Variants in NPR3 observed in about 807,000 individuals in gnomAD.
NPR3 encodes atrial natriuretic peptide receptor 3.
A neutral mutation model predicts 54.5 loss-of-function variants in NPR3; 34 were observed. The observed-to-expected ratio is 0.62, with a 90% confidence interval of 0.47 to 0.83. NPR3 has a LOEUF of 0.83. NPR3 is among the 40% of genes least tolerant of loss of function. The pLI is 0.00. For synonymous variants in NPR3, 289 were observed against 297.1 expected, an observed-to-expected ratio of 0.97 and a Z score of 0.28; for missense variants, 674 against 720.8, an observed-to-expected ratio of 0.94 and a Z score of 0.74.
intron 1 of NPR3, among the ~76,000 whole-genome samples, chr5:32,690,940 G>A (rs140539627): frequency 6.6e-6 from 1 of 152,336 alleles, no homozygotes; most frequent in East Asian, 1.9e-4. Flanking sequence ...ACATGTGAGT[G>A]TGGCTCTCTT....
At chr5:32,778,629 AG>A (rs1467634168) in intron 4 of NPR3, among the ~76,000 whole-genome samples, 2 of 152,220 alleles carry the variant, frequency 1.3e-5, no homozygotes, top group Non-Finnish European at 2.9e-5. Flanking sequence ...ACAGCCAAAC[AG>A]AAATAGGGTG....
At chr5:32,717,038 GT>G (rs1379696618) in intron 1 of NPR3, among the ~76,000 whole-genome samples, 1 of 124,306 alleles carries the variant, frequency 8.0e-6, no homozygotes, top group Non-Finnish European at 1.6e-5. Context: ...GGTGTGTGAT[GT>G]TTCCCGCCCT....
intron 3 of NPR3, among the ~76,000 whole-genome samples, chr5:32,766,675 C>G (rs1473837602): frequency 6.6e-6 from 1 of 152,076 alleles, no homozygotes; most frequent in African/African-American, 2.4e-5. Flanking sequence ...AATTATCACT[C>G]CAGAACAAAG....
chr5:32,718,528 G>A (rs1561081105), intron 1 of NPR3, among the ~76,000 whole-genome samples: 1 of 151,998 alleles, frequency 6.6e-6, no homozygotes, highest in South Asian at 2.1e-4. Flanking sequence ...TATTTTCATT[G>A]AGCAGTGGTT....
intron 3 of NPR3, among the ~76,000 whole-genome samples, chr5:32,751,419 A>G (rs936201144): frequency 6.6e-6 from 1 of 152,194 alleles, no homozygotes; most frequent in Non-Finnish European, 1.5e-5. Flanking sequence ...GCATCCTTCT[A>G]GTGCCAAAGG....
chr5:32,735,465 A>T (rs1373354123), intron 2 of NPR3, among the ~76,000 whole-genome samples: 15 of 142,156 alleles, frequency 1.1e-4, no homozygotes, highest in Non-Finnish European at 1.5e-5. Context: ...AATTTACTAT[A>T]TTCAGAAAAA....
rs1437792621 is a variant in NPR3, at chr5:32,699,336, CA to C, written c.100+10151del. ...TAAATTCTGGGATACAAGTGCAGAA[CA>C]TGTAGGTTTGTTACATAGGTATACG... On this transcript the variant is annotated intron_variant, in intron 1 of 5. Transcript: ENST00000509104. Among the ~76,000 whole-genome samples, 4 of 152,056 alleles carry C rather than the reference CA, an allele frequency of 2.6e-5. No homozygotes were observed. The East Asian group carries it at 7.7e-4, about 29-fold the overall frequency.
At chr5:32,761,440 C>T (rs1396378182) in intron 3 of NPR3, among the ~76,000 whole-genome samples, 2 of 152,068 alleles carry the variant, frequency 1.3e-5, no homozygotes, top group Non-Finnish European at 2.9e-5. Flanking sequence ...TGCTATTGGA[C>T]ACAGAATAAA....
chr5:32,730,803 A>G (rs1167926980), intron 2 of NPR3, among the ~76,000 whole-genome samples: 1 of 152,198 alleles, frequency 6.6e-6, no homozygotes, highest in Non-Finnish European at 1.5e-5. Context: ...TGATGAAACC[A>G]CTAATGAAAG....
At chr5:32,759,060 C>A (rs1489993374) in intron 3 of NPR3, among the ~76,000 whole-genome samples, 1 of 152,154 alleles carries the variant, frequency 6.6e-6, no homozygotes, top group Admixed American at 6.5e-5. Flanking sequence ...TGGTGTGGTG[C>A]TGAGAAGAAT....
intron 3 of NPR3, among the ~76,000 whole-genome samples, chr5:32,749,196 AT>A (rs35237338): frequency 0.41 from 62,393 of 151,776 alleles, 14,415 homozygotes; most frequent in African/African-American, 0.64. Flanking sequence ...AATAAGTAGA[AT>A]TTTTTTCTTT....
At chr5:32,721,952 A>G (rs1738886753) in intron 1 of NPR3, among the ~76,000 whole-genome samples, 1 of 152,112 alleles carries the variant, frequency 6.6e-6, no homozygotes, top group South Asian at 2.1e-4. Context: ...CTTCTTCTAA[A>G]CTGCCAGTCC....
At chr5:32,698,659 G>C (rs1344617907) in intron 1 of NPR3, among the ~76,000 whole-genome samples, 1 of 152,134 alleles carries the variant, frequency 6.6e-6, no homozygotes, top group South Asian at 2.1e-4. Flanking sequence ...GGGTTCTCCA[G>C]AGTTGGGTGC....
chr5:32,759,135 C>T (rs1427441738), intron 3 of NPR3, among the ~76,000 whole-genome samples: 2 of 152,172 alleles, frequency 1.3e-5, no homozygotes, highest in African/African-American at 4.8e-5. Flanking sequence ...TGGTGCAGAG[C>T]TGAGTTCAAG....
chr5:32,752,618 G>T (rs577615818), intron 3 of NPR3, among the ~76,000 whole-genome samples: 2 of 152,254 alleles, frequency 1.3e-5, no homozygotes, highest in South Asian at 4.1e-4. Flanking sequence ...GTCCTTTCAG[G>T]CACTGGAGGG....
chr5:32,728,815 TTGTG>T (rs369731308), intron 2 of NPR3, among the ~76,000 whole-genome samples: 3,294 of 76,018 alleles, frequency 0.043, 89 homozygotes, highest in African/African-American at 0.053. Flanking sequence ...TTTGGAATAT[TTGTG>T]TGTGTGTGTG....
At position 32,790,684 on chromosome 5, in the gene NPR3, G is replaced by A. The variant is rs145559203; in HGVS notation, c.*4339G>A. On this transcript the variant is annotated 3_prime_UTR_variant, in exon 8 of 8. Transcript: ENST00000265074. The stretch of plus-strand genomic sequence containing the variant: ...TCCAAAAGGTGCTGGATTGGAGTTT[G>A]TTCAAATTTCTCATTAACCACTAAT... 1.8e-5 allele frequency: 3 copies of A among 166,614 alleles called. No individual in the cohort carries two copies. Among genetic ancestry groups the A allele is most frequent in the African/African-American group, 7.2e-5 (3 of 41,566 alleles). 10.3% of individuals were successfully genotyped at this position (166,614 alleles called of 1,614,324 possible).
intron 1 of NPR3, among the ~76,000 whole-genome samples, chr5:32,722,705 C>A (rs1287055497): frequency 6.6e-6 from 1 of 152,100 alleles, no homozygotes; most frequent in Non-Finnish European, 1.5e-5. Flanking sequence ...AGCCTCAGTC[C>A]CTTGTTGAAT....
rs201661872 is a variant in NPR3, at chr5:32,739,037, G to A, written c.1059+7G>A. The A allele has an allele frequency of 3.3e-5, 53 of 1,613,080 alleles. No individual in the cohort carries two copies. Among genetic ancestry groups the A allele is most frequent in the East Asian group, 1.3e-4 (6 of 44,870 alleles). ...GCTCAATATGGAGGATTACGTAAGTGCCTGATTATGAGCCTAGACCTTTAG... is the reference window on the plus strand; with the variant it reads ...GCTCAATATGGAGGATTACGTAAGTACCTGATTATGAGCCTAGACCTTTAG... On this transcript the variant is annotated splice_region_variant and intron_variant, in intron 3 of 7. Coordinates refer to ENST00000265074, the MANE Select transcript of NPR3 (RefSeq NM_001204375.2).
Sources: gnomAD v4.1 joint callset for allele counts (sites outside exome capture counted in the v4.1 genomes callset) on GRCh38, gnomAD v4.1.1 for gene constraint, MANE v1.5 for transcripts, NCBI Gene and HGNC (gene_info 2026-07-23, HGNC 2026-07-21) for gene names.